Variants in TMEM242 observed in about 807,000 individuals in gnomAD.
TMEM242 encodes the protein transmembrane protein 242.
A neutral mutation model predicts 18.2 loss-of-function variants in TMEM242; 10 were observed. The observed-to-expected ratio is 0.55, with a 90% confidence interval of 0.34 to 0.93. The LOEUF is 0.93. Among genes scored for constraint, TMEM242 ranks in the 40% least tolerant of loss-of-function variants. TMEM242 has a pLI of 0.02. For missense variants in TMEM242, 186 were observed against 175.5 expected (o/e 1.06, Z -0.34); for synonymous variants, 57 against 69.9 (o/e 0.81, Z 0.92).
intron 3 of TMEM242, among the ~76,000 whole-genome samples, chr6:157,300,910 TA>T (rs1777821332): frequency 6.6e-6 from 1 of 152,218 alleles, no homozygotes; most frequent in African/African-American, 2.4e-5. Context: ...AACCAATGCA[TA>T]AATCAGATTA....
At chr6:157,311,123 G>A (rs1266350836) in intron 3 of TMEM242, among the ~76,000 whole-genome samples, 2 of 144,858 alleles carry the variant, frequency 1.4e-5, no homozygotes, top group African/African-American at 2.6e-5. Context: ...CACTCACCTA[G>A]CCCCATCATA....
At chr6:157,306,468 G>A (rs782752099) in intron 3 of TMEM242, among the ~76,000 whole-genome samples, 1 of 152,212 alleles carries the variant, frequency 6.6e-6, no homozygotes, top group South Asian at 2.1e-4. Context: ...AGCTTTGTGG[G>A]TGATGCTGCT....
chr6:157,310,329 A>C (rs913633240), intron 3 of TMEM242, among the ~76,000 whole-genome samples: 11 of 17,668 alleles, frequency 6.2e-4, no homozygotes, highest in Middle Eastern at 0.017. Flanking sequence ...TCCAAACTTA[A>C]ACTATCTGTC....
chr6:157,323,288 T>G, intron 1 of TMEM242, 124 bp downstream of exon 1: 1 of 1,120,950 alleles, frequency 8.9e-7, no homozygotes, highest in Non-Finnish European at 1.3e-6. Flanking sequence ...CGGGCTAAAC[T>G]CAGGGGCAAG....
rs1777693027 is a variant in TMEM242, at chr6:157,292,188, A to T, written c.*713T>A. 6.6e-6 allele frequency: 1 copy of T among 152,046 alleles called. No homozygotes were observed. The highest frequency in any genetic ancestry group is 1.5e-5 in the Non-Finnish European group (1 of 68,018). The allele number at this position is 152,046 out of a possible 1,614,324, so 9.4% of individuals were successfully genotyped here. A position where few individuals can be genotyped will look rare whatever the true frequency, so the allele number is the denominator to read the frequency against. On this transcript the variant is annotated 3_prime_UTR_variant, in exon 4 of 4. Transcript: ENST00000400788. ...ACAAATTGTCAGTGTTCAGAGATCC[A>T]GACCAACTTCTCAAAAAAATATGTT... is the stretch of plus-strand genomic sequence containing the variant.
intron 3 of TMEM242, among the ~76,000 whole-genome samples, chr6:157,307,043 T>C (rs1229920882): frequency 6.6e-6 from 1 of 152,232 alleles, no homozygotes; most frequent in Non-Finnish European, 1.5e-5. Context: ...ATCAACTATA[T>C]ATTAGTGTAA....
Position 157,305,511 on chromosome 6 carries a change from G to T in TMEM242, c.328-12512C>A, listed in dbSNP as rs1221805596. Among the ~76,000 whole-genome samples, 1 of 152,198 alleles carries T rather than the reference G, an allele frequency of 6.6e-6. No individual in the cohort carries two copies. Among genetic ancestry groups the T allele is most frequent in the East Asian group, 1.9e-4 (1 of 5,192 alleles). On this transcript the variant is annotated intron_variant, in intron 3 of 3. Coordinates refer to ENST00000400788, the MANE Select transcript of TMEM242 (RefSeq NM_018452.6). The surrounding 1 kb of genome is among the most constrained non-coding windows in gnomAD (Gnocchi z 4.1). ...CAATATGAAGCAGAGACGCCGATCT[G>T]AAGGTCAGGGCTGGGGCTATGTATC...
At position 157,291,850 on chromosome 6, in the gene TMEM242, A is replaced by G. The variant is rs1463004994; in HGVS notation, c.*1051T>C. 5 of 152,236 alleles carry G rather than the reference A, an allele frequency of 3.3e-5. No individual in the cohort carries two copies. The highest frequency in any genetic ancestry group is 1.2e-4 in the African/African-American group (5 of 41,462). The allele number at this position is 152,236 out of a possible 1,614,324, so 9.4% of individuals were successfully genotyped here. ...CAAGTAGGAAGAAATTGCACAACTG[A>G]TATTTAACTACAGGTTTTTTCTCTG... is the stretch of plus-strand genomic sequence containing the variant. On this transcript the variant is annotated 3_prime_UTR_variant, in exon 4 of 4. Transcript: ENST00000400788.
chr6:157,300,541 G>A (rs1233132525), intron 3 of TMEM242, among the ~76,000 whole-genome samples: 11 of 152,200 alleles, frequency 7.2e-5, no homozygotes, highest in Admixed American at 3.9e-4. Flanking sequence ...AGGATAGGGC[G>A]CTGTGCTTTG....
Position 157,290,115 on chromosome 6 carries a change from A to C in TMEM242, c.*2786T>G, listed in dbSNP as rs1777666142. On this transcript the variant is annotated 3_prime_UTR_variant, in exon 4 of 4. Transcript: ENST00000400788. ...CAGGATACATGTTTTCCCTTGAATG[A>C]ATCCTGGGGTCTCGGAAGCCACTCC... 6.6e-6 allele frequency: 1 copy of C among 152,164 alleles called. No homozygotes were observed. Among genetic ancestry groups the C allele is most frequent in the Non-Finnish European group, 1.5e-5 (1 of 68,042 alleles). 9.4% of individuals were successfully genotyped at this position (152,164 alleles called of 1,614,324 possible).
intron 3 of TMEM242, among the ~76,000 whole-genome samples, chr6:157,308,126 A>G (rs1167353990): frequency 1.3e-5 from 2 of 152,236 alleles, no homozygotes; most frequent in African/African-American, 4.8e-5. Context: ...CCCTCCTTAG[A>G]GATCATCAAA....
chr6:157,311,659 C>G (rs1468302053), intron 3 of TMEM242, among the ~76,000 whole-genome samples: 57 of 97,510 alleles, frequency 5.8e-4, no homozygotes, highest in East Asian at 1.5e-3. Flanking sequence ...CCAGTGTGCA[C>G]TCACCCGGCC....
chr6:157,312,313 A>AAATGG lies in TMEM242; in HGVS notation c.327+6468_327+6469insCCATT, dbSNP rs1778171451. ...TAGTGCCCCAGTGTGCGTTGATCTG[A>AAATGG]CCTCATTATAGTGCCCCAGTGTGCA... On this transcript the variant is annotated intron_variant, in intron 3 of 3. Coordinates refer to ENST00000400788, the MANE Select transcript of TMEM242 (RefSeq NM_018452.6). Among the ~76,000 whole-genome samples, 57 of 125,158 alleles carry AAATGG rather than the reference A, an allele frequency of 4.6e-4. 2 individuals are homozygous for AAATGG. Among genetic ancestry groups the AAATGG allele is most frequent in the African/African-American group, 1.6e-3 (56 of 35,600 alleles). 82.1% of individuals were successfully genotyped at this position (125,158 alleles called of 152,430 possible).
chr6:157,299,658 TG>T (rs1161239065), intron 3 of TMEM242: 1 of 1,610,268 alleles, frequency 6.2e-7, no homozygotes, highest in Non-Finnish European at 8.5e-7. Context: ...ATCATTAACT[TG>T]AAGATGGCCA....
At chr6:157,300,013 C>T in intron 3 of TMEM242, 6 of 1,181,112 alleles carry the variant, frequency 5.1e-6, no homozygotes, top group South Asian at 2.4e-5. Flanking sequence ...GGGTGAAGAG[C>T]CAGGCGCCCT....
rs1245194648 is a variant in TMEM242 at position 157,311,074 on chromosome 6, G to A, written c.327+7708C>T. On this transcript the variant is annotated intron_variant, in intron 3 of 3. Transcript: ENST00000400788. ...CACCTAACCCCATCATAGTGCCCCA[G>A]TGTGCTCACACCTAGCCACATCATA... 1.7e-4 allele frequency among the ~76,000 whole-genome samples: 20 copies of A among 114,550 alleles called. 2 individuals carry two copies. The highest frequency in any genetic ancestry group is 5.9e-4 in the African/African-American group (16 of 26,966). The allele number at this position is 114,550 out of a possible 152,430, so 75.1% of individuals were successfully genotyped here.
chr6:157,312,558 G>GTCACAGTGTGCGCTAA (rs1778198051), intron 3 of TMEM242, among the ~76,000 whole-genome samples: 1 of 142,130 alleles, frequency 7.0e-6, no homozygotes, highest in South Asian at 2.4e-4. Context: ...TCATCATAGT[G>GTCACAGTGTGCGCTAA]CCCCAGTGTA....
At chr6:157,312,729 T>TAA (rs1778213057) in intron 3 of TMEM242, among the ~76,000 whole-genome samples, 1 of 10,718 alleles carries the variant, frequency 9.3e-5, no homozygotes. Flanking sequence ...CATCTTACTG[T>TAA]CCCAGTGTGC....
At position 157,323,276 on chromosome 6, in the gene TMEM242, C is replaced by T. The variant is rs994242398; in HGVS notation, c.88+136G>A. On this transcript the variant is annotated intron_variant, in intron 1 of 3. Coordinates refer to ENST00000400788, the MANE Select transcript of TMEM242 (RefSeq NM_018452.6). ...CTACCCTCCCTGGGCCGCCAGACTC[C>T]GCGGGCTAAACTCAGGGGCAAGCAC... 5.0e-6 allele frequency: 5 copies of T among 994,236 alleles called. No individual in the cohort carries two copies. In the East Asian group the frequency reaches 9.7e-5, roughly 19 times the overall value. The allele number at this position is 994,236 out of a possible 1,614,324, so 61.6% of individuals were successfully genotyped here. A position where few individuals can be genotyped will look rare whatever the true frequency, so the allele number is the denominator to read the frequency against.
Sources: gnomAD v4.1 joint callset for allele counts (sites outside exome capture counted in the v4.1 genomes callset) on GRCh38, gnomAD v4.1.1 for gene constraint, Gnocchi (gnomAD v3.1) non-coding constraint, MANE v1.5 for transcripts, NCBI Gene and HGNC (gene_info 2026-07-23, HGNC 2026-07-21) for gene names.